Variants in CSMD1 observed in about 807,000 individuals in gnomAD.
CSMD1 encodes the protein CUB and sushi domain-containing protein 1.
CSMD1 carries 213 observed loss-of-function variants against 417.5 expected under a neutral mutation model. The ratio of observed to expected loss-of-function variants is 0.51; its 90% CI spans 0.46 to 0.57. The LOEUF is 0.57. CSMD1 is among the 20% of genes least tolerant of loss of function. The pLI is 0.00. For synonymous variants in CSMD1, 2,862 were observed against 1,736.8 expected (o/e 1.65, Z -16.11); for missense variants, 6,923 against 4,529.7 (o/e 1.53, Z -15.17).
At chr8:4,278,690 T>G (rs1167308161) in intron 3 of CSMD1, among the ~76,000 whole-genome samples, 2 of 152,204 alleles carry the variant, frequency 1.3e-5, no homozygotes, top group East Asian at 1.9e-4. Flanking sequence ...TATAGCCACT[T>G]AAATGGCTAA....
intron 12 of CSMD1, among the ~76,000 whole-genome samples, chr8:3,424,120 A>G (rs767264940): frequency 4.6e-5 from 7 of 152,228 alleles, no homozygotes; most frequent in African/African-American, 7.2e-5. Context: ...CAAATTTATC[A>G]GTATAGGAAG....
At chr8:4,787,984 AG>A in intron 1 of CSMD1, 2 of 1,594,884 alleles carry the variant, frequency 1.3e-6, no homozygotes, top group Non-Finnish European at 8.6e-7. Context: ...CGAAGCCAAC[AG>A]AAAGACAAAC....
intron 10 of CSMD1, among the ~76,000 whole-genome samples, chr8:3,542,435 C>T (rs1585333203): frequency 6.6e-6 from 1 of 152,106 alleles, no homozygotes; most frequent in African/African-American, 2.4e-5. Flanking sequence ...ATTGGATGTG[C>T]GTTAGGGAAT....
chr8:4,028,528 T>A (rs756116821), intron 4 of CSMD1, among the ~76,000 whole-genome samples: 2 of 151,932 alleles, frequency 1.3e-5, no homozygotes, highest in African/African-American at 4.8e-5. Flanking sequence ...TAGGCAAATA[T>A]GCAATAACTA....
intron 2 of CSMD1, among the ~76,000 whole-genome samples, chr8:4,473,533 T>C (rs1484139404): frequency 6.6e-6 from 1 of 152,226 alleles, no homozygotes; most frequent in Admixed American, 6.5e-5. Flanking sequence ...GCAATTAGGC[T>C]ATGCCTTTTT....
At chr8:3,254,765 C>G (rs974427572) in intron 26 of CSMD1, among the ~76,000 whole-genome samples, 1 of 152,086 alleles carries the variant, frequency 6.6e-6, no homozygotes, top group Non-Finnish European at 1.5e-5. Flanking sequence ...TCTAGTTAGC[C>G]ATTCATGTAA....
At chr8:4,018,103 G>T (rs75033487) in intron 4 of CSMD1, among the ~76,000 whole-genome samples, 4 of 152,054 alleles carry the variant, frequency 2.6e-5, no homozygotes, top group African/African-American at 9.7e-5. Flanking sequence ...CCTATTGTAT[G>T]GCATAAAGTA....
intron 2 of CSMD1, among the ~76,000 whole-genome samples, chr8:4,605,615 T>C (rs1800824672): frequency 6.6e-6 from 1 of 152,222 alleles, no homozygotes; most frequent in Non-Finnish European, 1.5e-5. Flanking sequence ...AATCTAACCA[T>C]GACCTTTCCT....
intron 1 of CSMD1, among the ~76,000 whole-genome samples, chr8:4,922,875 T>A (rs747051658): frequency 5.9e-5 from 9 of 152,210 alleles, no homozygotes; most frequent in African/African-American, 2.2e-4. Context: ...TTAACTGGCA[T>A]CTTCTCTAAG....
chr8:3,903,837 T>C (rs987493277), intron 5 of CSMD1, among the ~76,000 whole-genome samples: 2 of 152,168 alleles, frequency 1.3e-5, no homozygotes, highest in Admixed American at 6.5e-5. Context: ...CTGAGGTCTC[T>C]TTAGTGGTCT....
intron 10 of CSMD1, among the ~76,000 whole-genome samples, chr8:3,499,497 G>C (rs891688659): frequency 3.9e-5 from 6 of 152,238 alleles, no homozygotes; most frequent in Admixed American, 3.9e-4. Context: ...TCCACTGCTT[G>C]GAGTGGGGGG....
intron 5 of CSMD1, among the ~76,000 whole-genome samples, chr8:3,919,484 T>C (rs931926616): frequency 4.6e-5 from 7 of 152,252 alleles, no homozygotes; most frequent in South Asian, 4.2e-4. Context: ...TTCTGTATTA[T>C]TGGTCTATGT....
chr8:3,517,005 T>A (rs1410513977), intron 10 of CSMD1, among the ~76,000 whole-genome samples: 1 of 152,262 alleles, frequency 6.6e-6, no homozygotes, highest in Admixed American at 6.5e-5. Flanking sequence ...GGGCACTGGT[T>A]AGGTGTCATG....
chr8:3,501,227 C>T (rs1796586665), intron 10 of CSMD1, among the ~76,000 whole-genome samples: 2 of 152,128 alleles, frequency 1.3e-5, no homozygotes, highest in Admixed American at 1.3e-4. Flanking sequence ...TGCCTCTGTG[C>T]ATGTGCATAC....
chr8:4,551,967 A>C (rs1372963254), intron 2 of CSMD1, among the ~76,000 whole-genome samples: 1 of 151,976 alleles, frequency 6.6e-6, no homozygotes, highest in Admixed American at 6.6e-5. Flanking sequence ...GACTACAGGC[A>C]TGAGCCACTG....
intron 11 of CSMD1, among the ~76,000 whole-genome samples, chr8:3,481,510 C>A (rs1250552112): frequency 6.6e-6 from 1 of 152,180 alleles, no homozygotes; most frequent in African/African-American, 2.4e-5. Context: ...AATGGCCTCA[C>A]TCCTGTCCAA....
chr8:4,034,010 C>G (rs1797490690), intron 3 of CSMD1, among the ~76,000 whole-genome samples: 2 of 152,104 alleles, frequency 1.3e-5, no homozygotes, highest in Non-Finnish European at 2.9e-5. Context: ...ACAAACACTT[C>G]CAAATAAAAA....
rs184368526 is a variant in CSMD1, at chr8:4,481,772, C to T, written c.303-61707G>A. Among the ~76,000 whole-genome samples the T allele has an allele frequency of 1.4e-4, 21 of 152,168 alleles. No individual in the cohort carries two copies. The East Asian group carries it at 3.1e-3, about 22-fold the overall frequency. On this transcript the variant is annotated intron_variant, in intron 2 of 69. Coordinates refer to ENST00000635120, the MANE Select transcript of CSMD1 (RefSeq NM_033225.6). ...TATTAGATACTGTGCCTAGTATATG[C>T]CAGAGACTATTGTGAGCACATAATG... is the stretch of plus-strand genomic sequence containing the variant.
At chr8:3,525,057 C>T (rs1294834991) in intron 10 of CSMD1, among the ~76,000 whole-genome samples, 2 of 152,136 alleles carry the variant, frequency 1.3e-5, no homozygotes, top group Non-Finnish European at 2.9e-5. Flanking sequence ...GCCGAATAAA[C>T]TCTATCTGAA....
Sources: allele counts gnomAD v4.1 joint callset (sites outside exome capture counted in the v4.1 genomes callset), GRCh38; gene constraint gnomAD v4.1.1; transcripts MANE v1.5; gene names NCBI Gene and HGNC (gene_info 2026-07-23, HGNC 2026-07-21).